IL1RAPL1: variants seen among roughly 807,000 people sequenced by gnomAD.
The protein encoded by IL1RAPL1 is interleukin 1 receptor accessory protein like 1, also known as interleukin-1 receptor accessory protein-like 1.
Under a neutral mutation model 48.4 loss-of-function variants are expected in IL1RAPL1, and 3 were observed. That is an observed-to-expected ratio of 0.06 (90% CI 0.03 to 0.16). The LOEUF is 0.16. Ranked by LOEUF, IL1RAPL1 falls within the 10% of genes least tolerant of loss-of-function variation. IL1RAPL1 has a pLI of 1.00. For missense variants in IL1RAPL1, 349 were observed against 530.6 expected (o/e 0.66, Z 3.36); for synonymous variants, 185 against 187.7 (o/e 0.99, Z 0.12).
intron 6 of IL1RAPL1, among the ~76,000 whole-genome samples, chrX:29,733,273 C>T (rs1428928956): frequency 2.7e-5 from 3 of 112,075 alleles, no homozygotes; most frequent in Non-Finnish European, 5.6e-5. Flanking sequence ...TTTTTTCCCT[C>T]CTATCTGACT....
chrX:29,897,909 G>T (rs2147224569), intron 6 of IL1RAPL1, among the ~76,000 whole-genome samples: 1 of 111,957 alleles, frequency 8.9e-6, no homozygotes. Flanking sequence ...CGCATGATCT[G>T]CTGCGCTACC....
intron 2 of IL1RAPL1, among the ~76,000 whole-genome samples, chrX:28,981,090 C>CAAAAAAA (rs57824632): frequency 4.9e-4 from 12 of 24,300 alleles, no homozygotes; most frequent in African/African-American, 1.3e-3. Flanking sequence ...GACCCTGTCT[C>CAAAAAAA]AAAAAAAAAA....
At chrX:29,731,802 C>G (rs1457491106) in intron 6 of IL1RAPL1, among the ~76,000 whole-genome samples, 1 of 111,948 alleles carries the variant, frequency 8.9e-6, no homozygotes, top group Non-Finnish European at 1.9e-5. Flanking sequence ...CTTGATTGTC[C>G]TGCAGATGCC....
intron 6 of IL1RAPL1, among the ~76,000 whole-genome samples, chrX:29,886,816 G>A (rs1932178155): frequency 9.0e-6 from 1 of 111,713 alleles, no homozygotes; most frequent in Non-Finnish European, 1.9e-5. Flanking sequence ...AGTTCCTAAA[G>A]TAATTGTGTT....
intron 2 of IL1RAPL1, among the ~76,000 whole-genome samples, chrX:28,807,924 G>A (rs954419657): frequency 1.8e-5 from 2 of 110,713 alleles, no homozygotes; most frequent in African/African-American, 6.5e-5. Context: ...TCAAATGGAA[G>A]GTAGAAGAGG....
chrX:29,222,946 C>T (rs752960490), intron 2 of IL1RAPL1, among the ~76,000 whole-genome samples: 24 of 111,375 alleles, frequency 2.2e-4, no homozygotes, highest in African/African-American at 7.5e-4. Flanking sequence ...ATAAAACCAT[C>T]CCTCCTGTTA....
chrX:29,440,012 TG>T (rs2147718402), intron 5 of IL1RAPL1, among the ~76,000 whole-genome samples: 1 of 107,808 alleles, frequency 9.3e-6, no homozygotes, highest in East Asian at 2.9e-4. Context: ...TGTGTGTGTG[TG>T]TGTGTGTGTG....
chrX:28,626,280 G>T (rs1934339896), intron 1 of IL1RAPL1, among the ~76,000 whole-genome samples: 3 of 112,083 alleles, frequency 2.7e-5, no homozygotes, highest in African/African-American at 6.5e-5. Flanking sequence ...TATTATATGT[G>T]TATTATTATG....
At chrX:29,073,546 T>G (rs1217059748) in intron 2 of IL1RAPL1, among the ~76,000 whole-genome samples, 3 of 111,730 alleles carry the variant, frequency 2.7e-5, no homozygotes, top group Non-Finnish European at 5.6e-5. Context: ...TATAATTTCT[T>G]TACTACATTA....
chrX:29,627,593 T>G (rs1924652079), intron 5 of IL1RAPL1, among the ~76,000 whole-genome samples: 2 of 111,837 alleles, frequency 1.8e-5, no homozygotes, highest in African/African-American at 6.5e-5. Flanking sequence ...ATTCATGGTT[T>G]CCTGATGGAT....
intron 2 of IL1RAPL1, among the ~76,000 whole-genome samples, chrX:28,850,512 G>T (rs1215373515): frequency 9.0e-6 from 1 of 111,070 alleles, no homozygotes; most frequent in Non-Finnish European, 1.9e-5. Context: ...GCACTACAGT[G>T]TAAAGCTTGT....
At chrX:29,822,055 A>G (rs1247210330) in intron 6 of IL1RAPL1, among the ~76,000 whole-genome samples, 1 of 112,287 alleles carries the variant, frequency 8.9e-6, no homozygotes, top group Non-Finnish European at 1.9e-5. Context: ...TGGAAGCCAG[A>G]AAATACAGTC....
rs1306424705 is a variant in IL1RAPL1, at chrX:28,876,787, C to T, written c.82+87362C>T. 4.5e-5 allele frequency among the ~76,000 whole-genome samples: 5 copies of T among 110,472 alleles called. No homozygotes were observed. In the East Asian group the frequency reaches 1.4e-3, roughly 31 times the overall value. On this transcript the variant is annotated intron_variant, in intron 2 of 10. Coordinates refer to ENST00000378993, the MANE Select transcript of IL1RAPL1 (RefSeq NM_014271.4). The stretch of plus-strand genomic sequence containing the variant: ...AAAAACTAACAACATAAAAGCCAGT[C>T]CAACTATTAAATCAAGATTTTCTAC...
intron 6 of IL1RAPL1, among the ~76,000 whole-genome samples, chrX:29,685,447 G>A (rs1926587796): frequency 9.0e-6 from 1 of 111,171 alleles, no homozygotes; most frequent in South Asian, 3.8e-4. Context: ...AGGCTGCAGT[G>A]AGCCGAGATC....
chrX:29,821,896 G>C (rs930697262), intron 6 of IL1RAPL1, among the ~76,000 whole-genome samples: 2 of 112,030 alleles, frequency 1.8e-5, no homozygotes, highest in Non-Finnish European at 3.8e-5. Context: ...CTCTTGGAGA[G>C]AGCAAGTTGA....
chrX:28,683,357 C>CT (rs72388021), intron 1 of IL1RAPL1, among the ~76,000 whole-genome samples: 2,380 of 106,110 alleles, frequency 0.022, 38 homozygotes, highest in Non-Finnish European at 0.036. Context: ...GGAAATATCT[C>CT]TTTTTTTTTT....
At chrX:29,096,615 A>G (rs1928220353) in intron 2 of IL1RAPL1, among the ~76,000 whole-genome samples, 1 of 111,443 alleles carries the variant, frequency 9.0e-6, no homozygotes, top group African/African-American at 3.3e-5. Context: ...AGGTCCTAGT[A>G]TTCACAATAT....
intron 5 of IL1RAPL1, among the ~76,000 whole-genome samples, chrX:29,472,740 C>G (rs755845923): frequency 8.9e-6 from 1 of 111,742 alleles, no homozygotes; most frequent in Non-Finnish European, 1.9e-5. Context: ...GTGTCTGTTA[C>G]CTCGTCAGTA....
intron 5 of IL1RAPL1, among the ~76,000 whole-genome samples, chrX:29,646,588 C>G (rs1925332180): frequency 9.1e-6 from 1 of 109,933 alleles, no homozygotes; most frequent in South Asian, 3.9e-4. Context: ...TATAAATATC[C>G]AGTTACAGGA....
Sources: gnomAD v4.1 joint callset for allele counts (sites outside exome capture counted in the v4.1 genomes callset) on GRCh38, gnomAD v4.1.1 for gene constraint, MANE v1.5 for transcripts, NCBI Gene and HGNC (gene_info 2026-07-23, HGNC 2026-07-21) for gene names.